FRRS1: variants seen among roughly 807,000 people sequenced by gnomAD.
FRRS1 encodes ferric reductase 1.
Under a neutral mutation model 70.7 loss-of-function variants are expected in FRRS1, and 51 were observed. The ratio of observed to expected loss-of-function variants is 0.72; its 90% CI spans 0.58 to 0.91. The LOEUF (loss-of-function observed/expected upper bound fraction) is 0.91, where lower values mean the gene tolerates loss of function less well. FRRS1 is among the 40% of genes least tolerant of loss of function. The pLI is 0.00. For missense variants in FRRS1, 672 were observed against 726.0 expected (o/e 0.93, Z 0.86); for synonymous variants, 225 against 238.7 (o/e 0.94, Z 0.53).
At chr1:99,737,755 T>G (rs577250015) in intron 7 of FRRS1, among the ~76,000 whole-genome samples, 47 of 151,730 alleles carry the variant, frequency 3.1e-4, no homozygotes, top group East Asian at 9.7e-4. Flanking sequence ...TTTGGGGGGG[T>G]TTTTTTAGAT....
intron 1 of FRRS1, among the ~76,000 whole-genome samples, chr1:99,761,038 A>G (rs1657092964): frequency 6.6e-6 from 1 of 152,212 alleles, no homozygotes; most frequent in African/African-American, 2.4e-5. Flanking sequence ...CTGGGAAAAC[A>G]AAGTAATTTG....
intron 7 of FRRS1, among the ~76,000 whole-genome samples, chr1:99,733,753 C>T (rs1197780113): frequency 6.6e-6 from 1 of 152,184 alleles, no homozygotes; most frequent in African/African-American, 2.4e-5. Flanking sequence ...CACCATTTTG[C>T]AACCACAAAT....
rs931284530 is a variant in FRRS1, at chr1:99,741,068, A to C, written c.429-128T>G. ...TGACTTACTACCTAACAGGACTATT[A>C]ATTTTGCCTGAGGCAAATCTCTAAC... On this transcript the variant is annotated intron_variant, in intron 5 of 16. Coordinates refer to ENST00000646001, the MANE Select transcript of FRRS1 (RefSeq NM_001361041.2). The C allele has an allele frequency of 2.0e-5, 17 of 865,090 alleles. No homozygotes were observed. The African/African-American group carries it at 2.5e-4, about 13-fold the overall frequency. The allele number at this position is 865,090 out of a possible 1,614,324, so 53.6% of individuals were successfully genotyped here. A position where few individuals can be genotyped will look rare whatever the true frequency, so the allele number is the denominator to read the frequency against.
intron 1 of FRRS1, among the ~76,000 whole-genome samples, chr1:99,763,640 G>A (rs781480840): frequency 4.6e-5 from 7 of 152,014 alleles, no homozygotes; most frequent in East Asian, 1.9e-4. Flanking sequence ...AGGCCCAGGC[G>A]GGCAGATCAC....
At chr1:99,718,994 C>G (rs1278428989) in intron 10 of FRRS1, among the ~76,000 whole-genome samples, 1 of 152,008 alleles carries the variant, frequency 6.6e-6, no homozygotes, top group African/African-American at 2.4e-5. Flanking sequence ...GTTAAAACCA[C>G]TGAATTAGCC....
chr1:99,758,916 C>T (rs574055380), intron 1 of FRRS1, among the ~76,000 whole-genome samples: 8 of 152,250 alleles, frequency 5.3e-5, no homozygotes, highest in Non-Finnish European at 7.4e-5. Context: ...GACTGAGATA[C>T]GCCCTGGTCT....
chr1:99,758,315 C>T (rs1436465804), intron 1 of FRRS1, among the ~76,000 whole-genome samples: 1 of 152,180 alleles, frequency 6.6e-6, no homozygotes, highest in Non-Finnish European at 1.5e-5. Flanking sequence ...TTTTCTTTCA[C>T]ATATTGCTTC....
intron 15 of FRRS1, among the ~76,000 whole-genome samples, 197 bp downstream of exon 15, chr1:99,710,609 C>A (rs1654228588): frequency 6.6e-6 from 1 of 152,144 alleles, no homozygotes; most frequent in Non-Finnish European, 1.5e-5. Context: ...TCCTTTATAT[C>A]TTATTCACAA....
chr1:99,748,679 C>A lies in FRRS1; in HGVS notation c.90G>T (p.Gln30His). Residue 30 changes from glutamine to histidine, a missense_variant, in exon 3 of 17, where the codon CAG becomes CAT. Coordinates refer to ENST00000646001, the MANE Select transcript of FRRS1 (RefSeq NM_001361041.2). ...VANYPNGKVT[Q>H]SCHGMIPEHG... ...GTTCAGGAATCATTCCATGGCATGA[C>A]TGTGTTACTTTTCCATTGGGATAAT... 6.2e-7 allele frequency: 1 copy of A among 1,613,816 alleles called. No homozygotes were observed. The highest frequency in any genetic ancestry group is 1.1e-5 in the South Asian group (1 of 91,080).
At chr1:99,744,843 G>A (rs1294548118) in intron 4 of FRRS1, among the ~76,000 whole-genome samples, 2 of 150,652 alleles carry the variant, frequency 1.3e-5, no homozygotes, top group African/African-American at 2.4e-5. Context: ...TGTGGCGGGC[G>A]CCTGTAGTCC....
rs774734519 is a variant in FRRS1, at chr1:99,738,170, T to A, written c.675A>T (p.Thr225=). Residue 225 remains threonine (T), a synonymous_variant, in exon 7 of 17, where the codon ACA becomes ACT. Coordinates refer to ENST00000646001, the MANE Select transcript of FRRS1 (RefSeq NM_001361041.2). The part of the protein sequence containing the change: ...KEASCVFLSF[T]RDDQSVMVEM... ...CAACCATCACCGATTGGTCATCTCT[T>A]GTGAAGGACAAGAAGACACAGGAAG... 12 of 1,613,992 alleles carry A rather than the reference T, an allele frequency of 7.4e-6. No individual in the cohort carries two copies. The Admixed American group carries it at 2.0e-4, about 27-fold the overall frequency.
chr1:99,756,226 G>A (rs1016713857), intron 1 of FRRS1, among the ~76,000 whole-genome samples: 11 of 151,964 alleles, frequency 7.2e-5, no homozygotes, highest in Non-Finnish European at 1.5e-5. Flanking sequence ...CAAAATAGAC[G>A]ATAAAACAAA....
At chr1:99,731,535 A>G (rs192184987) in intron 7 of FRRS1, among the ~76,000 whole-genome samples, 169 of 152,356 alleles carry the variant, frequency 1.1e-3, no homozygotes, top group Non-Finnish European at 1.8e-3. Context: ...AACCATGGCC[A>G]GCAAATCAAA....
chr1:99,710,973 C>T (rs774306519), intron 14 of FRRS1, 24 bp from the exon 15 acceptor site: 92 of 1,602,548 alleles, frequency 5.7e-5, no homozygotes, highest in Non-Finnish European at 7.4e-5. Context: ...AAAAAAGTTA[C>T]ATTCAAATGT....
At chr1:99,739,150 T>C (rs941518667) in intron 6 of FRRS1, among the ~76,000 whole-genome samples, 7 of 152,328 alleles carry the variant, frequency 4.6e-5, no homozygotes, top group African/African-American at 1.7e-4. Flanking sequence ...AAAGGACTTG[T>C]TCTCTCAGGA....
At chr1:99,752,104 GTTGGT>G (rs984604947) in intron 1 of FRRS1, among the ~76,000 whole-genome samples, 6 of 152,170 alleles carry the variant, frequency 3.9e-5, no homozygotes, top group African/African-American at 1.2e-4. Flanking sequence ...AAATGTTGTG[GTTGGT>G]TTGATCTTCT....
rs767301568 is a variant in FRRS1, at chr1:99,717,448, A to G, written c.1198T>C (p.Ser400Pro). Residue 400 changes from serine (S) to proline (P), a missense_variant, in exon 11 of 17, where the codon TCA (serine) becomes CCA (proline). Physicochemically the swap from Ser to Pro is moderately conservative, Grantham distance 74 (BLOSUM62 -1). Coordinates refer to ENST00000646001, the MANE Select transcript of FRRS1 (RefSeq NM_001361041.2). ...LVARFFKPVW[S>P]KAFLLGEAAW... The stretch of plus-strand genomic sequence containing the variant: ...GCTTCACCAAGCAAGAAAGCTTTTG[A>G]CCAAACTGGCTTGAAGAACCGGGCA... The G allele has an allele frequency of 1.9e-6, 3 of 1,614,152 alleles. No individual in the cohort carries two copies. Among genetic ancestry groups the G allele is most frequent in the Non-Finnish European group, 1.7e-6 (2 of 1,179,986 alleles).
chr1:99,712,775 G>A (rs1452687557), intron 12 of FRRS1, among the ~76,000 whole-genome samples: 1 of 152,156 alleles, frequency 6.6e-6, no homozygotes, highest in Non-Finnish European at 1.5e-5. Context: ...GGGAAACTGA[G>A]GCTCAGAGAT....
At chr1:99,751,695 G>A (rs1271179183) in intron 1 of FRRS1, among the ~76,000 whole-genome samples, 1 of 151,930 alleles carries the variant, frequency 6.6e-6, no homozygotes, top group Non-Finnish European at 1.5e-5. Flanking sequence ...GACTTTCTCA[G>A]ACAAACAAAA....
Sources: gnomAD v4.1 joint callset for allele counts (sites outside exome capture counted in the v4.1 genomes callset) on GRCh38, gnomAD v4.1.1 for gene constraint, MANE v1.5 for transcripts, NCBI Gene and HGNC (gene_info 2026-07-23, HGNC 2026-07-21) for gene names.